SEM1: variants seen among roughly 807,000 people sequenced by gnomAD.
The protein encoded by SEM1 is 26S proteasome complex subunit SEM1.
In SEM1, 3 loss-of-function variants were observed where a neutral mutation model predicts 12.7. That is an observed-to-expected ratio of 0.24 (90% CI 0.11 to 0.61). The LOEUF is 0.61. Ranked by LOEUF, SEM1 falls within the 20% of genes least tolerant of loss-of-function variation. SEM1 has a pLI of 0.88. For missense variants in SEM1, 59 were observed against 81.3 expected, an observed-to-expected ratio of 0.73 and a Z score of 1.06; for synonymous variants, 30 against 27.8, an observed-to-expected ratio of 1.08 and a Z score of -0.25.
chr7:96,690,987 G>A (rs1371427924), intron 2 of SEM1, among the ~76,000 whole-genome samples: 1 of 152,120 alleles, frequency 6.6e-6, no homozygotes, highest in African/African-American at 2.4e-5. Context: ...TAGCCAGGAT[G>A]GTCTCGATCT....
At chr7:96,492,895 C>T (rs960778168) in intron 1 of SEM1, among the ~76,000 whole-genome samples, 3 of 151,902 alleles carry the variant, frequency 2.0e-5, no homozygotes, top group African/African-American at 7.3e-5. Flanking sequence ...CATGGATGTA[C>T]AAATATCTGT....
chr7:96,690,983 G>A (rs1304397253), intron 2 of SEM1, among the ~76,000 whole-genome samples: 6 of 152,156 alleles, frequency 3.9e-5, no homozygotes, highest in African/African-American at 1.4e-4. Context: ...ATGTTAGCCA[G>A]GATGGTCTCG....
intron 2 of SEM1, among the ~76,000 whole-genome samples, chr7:96,569,144 T>C (rs894294265): frequency 5.9e-5 from 9 of 151,996 alleles, no homozygotes; most frequent in African/African-American, 2.4e-5. Context: ...TGGATGTGAA[T>C]ATTAGCATCC....
chr7:96,486,130 G>C (rs1440539472), intron 2 of SEM1: 2 of 1,059,452 alleles, frequency 1.9e-6, no homozygotes, highest in African/African-American at 3.2e-5. Flanking sequence ...TTAGTATCTG[G>C]TGTCAAAGAC....
chr7:96,504,901 A>G (rs1390722892), intron 3 of SEM1, among the ~76,000 whole-genome samples: 2 of 151,866 alleles, frequency 1.3e-5, no homozygotes, highest in East Asian at 3.9e-4. Context: ...TTTTTCCTAT[A>G]GAATCTCCTT....
intron 1 of SEM1, among the ~76,000 whole-genome samples, chr7:96,703,263 C>G (rs1387940359): frequency 6.6e-6 from 1 of 152,204 alleles, no homozygotes; most frequent in African/African-American, 2.4e-5. Context: ...ATTTGGGATG[C>G]TCAACCTATA....
At chr7:96,545,925 A>G (rs1805089791) in intron 2 of SEM1, among the ~76,000 whole-genome samples, 1 of 152,110 alleles carries the variant, frequency 6.6e-6, no homozygotes, top group Non-Finnish European at 1.5e-5. Flanking sequence ...TGAAGAGCCT[A>G]AAAGATTCTC....
chr7:96,649,361 T>C (rs1355475073), intron 2 of SEM1: 1 of 152,144 alleles, frequency 6.6e-6, no homozygotes, highest in Admixed American at 6.5e-5. Context: ...CAAAAAAATA[T>C]TCTGTGGTGA....
At chr7:96,670,889 G>A (rs1319305948), downstream of SEM1, among the ~76,000 whole-genome samples, 1 of 152,100 alleles carries the variant, frequency 6.6e-6, no homozygotes, top group Non-Finnish European at 1.5e-5. Flanking sequence ...AATGTCAATG[G>A]GGAAACTGTG....
chr7:96,610,618 A>G (rs939077578), intron 2 of SEM1, among the ~76,000 whole-genome samples: 1 of 152,218 alleles, frequency 6.6e-6, no homozygotes, highest in African/African-American at 2.4e-5. Flanking sequence ...AATTTCTAAA[A>G]TTAATCAATG....
intron 2 of SEM1, among the ~76,000 whole-genome samples, chr7:96,585,954 G>C (rs1435852066): frequency 6.6e-6 from 1 of 152,192 alleles, no homozygotes; most frequent in Non-Finnish European, 1.5e-5. Context: ...GGGAGCTGTA[G>C]ACCGGAGCTG....
chr7:96,536,165 T>A (rs1436043232), intron 2 of SEM1, among the ~76,000 whole-genome samples: 3 of 151,916 alleles, frequency 2.0e-5, no homozygotes, highest in African/African-American at 7.2e-5. Flanking sequence ...AAAATTCCTC[T>A]TGAGACTTCC....
intron 2 of SEM1, among the ~76,000 whole-genome samples, chr7:96,524,128 C>T (rs558447492): frequency 6.6e-5 from 10 of 152,126 alleles, no homozygotes; most frequent in Non-Finnish European, 1.2e-4. Flanking sequence ...TCAACTGCCT[C>T]GCTTTTGTGA....
At chr7:96,591,948 T>C (rs894320039) in intron 2 of SEM1, among the ~76,000 whole-genome samples, 2 of 152,116 alleles carry the variant, frequency 1.3e-5, no homozygotes, top group African/African-American at 4.8e-5. Context: ...TTAACCTTGC[T>C]TTTTAGAGAG....
At chr7:96,612,962 T>G (rs1807587020) in intron 2 of SEM1, among the ~76,000 whole-genome samples, 1 of 9,812 alleles carries the variant, frequency 1.0e-4, no homozygotes, top group African/African-American at 1.1e-4. Context: ...ATTTAAAAAA[T>G]TAAAACTTTT....
At chr7:96,505,089 G>A (rs4370463) in intron 3 of SEM1, among the ~76,000 whole-genome samples, 109,029 of 151,596 alleles carry the variant, frequency 0.72, 39,680 homozygotes, top group East Asian at 0.87. Context: ...TCTATCAGGA[G>A]TTATCTATCT....
exon 2 of SEM1, chr7:96,486,400 A>G (rs1802769695): frequency 6.5e-7 from 1 of 1,536,878 alleles, no homozygotes; most frequent in Admixed American, 2.0e-5. Flanking sequence ...CAGCAAACAC[A>G]GCACAAATGT....
At chr7:96,551,779 T>C (rs991194177) in intron 2 of SEM1, among the ~76,000 whole-genome samples, 2 of 149,670 alleles carry the variant, frequency 1.3e-5, no homozygotes, top group South Asian at 2.1e-4. Flanking sequence ...CAGAGGTAGA[T>C]GTTGCAGTTA....
chr7:96,511,681 T>A (rs906166601), intron 2 of SEM1, among the ~76,000 whole-genome samples: 5 of 152,150 alleles, frequency 3.3e-5, no homozygotes, highest in African/African-American at 1.2e-4. Flanking sequence ...GATACCCAGG[T>A]TCTTACATCA....
Sources: allele counts gnomAD v4.1 joint callset (sites outside exome capture counted in the v4.1 genomes callset), GRCh38; gene constraint gnomAD v4.1.1; transcripts MANE v1.5; gene names NCBI Gene and HGNC (gene_info 2026-07-23, HGNC 2026-07-21).